Variants in SLCO1B3 observed in about 807,000 individuals in gnomAD.
SLCO1B3 encodes liver-specific organic anion transporter 2.
SLCO1B3 carries 72 observed loss-of-function variants against 71.8 expected under a neutral mutation model. That is an observed-to-expected ratio of 1.00 (90% CI 0.83 to 1.22). The LOEUF (loss-of-function observed/expected upper bound fraction) is 1.22, where lower values mean the gene tolerates loss of function less well. Ranked by LOEUF, SLCO1B3 falls within the 50% of genes most tolerant of loss-of-function variation. SLCO1B3 has a pLI of 0.00. For missense variants in SLCO1B3, 911 were observed against 819.7 expected, an observed-to-expected ratio of 1.11 and a Z score of -1.36; for synonymous variants, 298 against 278.4, an observed-to-expected ratio of 1.07 and a Z score of -0.70.
At chr12:20,871,595 CAAT>C (rs2121281886) in intron 8 of SLCO1B3, among the ~76,000 whole-genome samples, 1 of 152,230 alleles carries the variant, frequency 6.6e-6, no homozygotes, top group South Asian at 2.1e-4. Context: ...GCCACAACCT[CAAT>C]AATACTGTGG....
intron 13 of SLCO1B3, among the ~76,000 whole-genome samples, chr12:20,888,468 T>C (rs975209060): frequency 6.6e-6 from 1 of 151,960 alleles, no homozygotes; most frequent in African/African-American, 2.4e-5. Context: ...TGGGATTAAG[T>C]TGTTGATTTG....
chr12:20,818,829 C>T (rs930613921), intron 3 of SLCO1B3, among the ~76,000 whole-genome samples: 3 of 152,104 alleles, frequency 2.0e-5, no homozygotes, highest in African/African-American at 7.2e-5. Context: ...GGATGAACAT[C>T]AGGTGGATCA....
intron 11 of SLCO1B3, 88 bp downstream of exon 11, chr12:20,879,719 T>G: frequency 1.1e-6 from 1 of 871,522 alleles, no homozygotes; most frequent in Non-Finnish European, 1.7e-6. Flanking sequence ...AGAAAACAAT[T>G]GTAATTAAAC....
At chr12:20,855,810 AAT>A (rs1199568380) in intron 4 of SLCO1B3, among the ~76,000 whole-genome samples, 2 of 151,386 alleles carry the variant, frequency 1.3e-5, no homozygotes, top group African/African-American at 4.8e-5. Flanking sequence ...TTCAAAGAAA[AAT>A]TAAAATTTTT....
At chr12:20,891,453 T>C (rs1865902295) in intron 13 of SLCO1B3, among the ~76,000 whole-genome samples, 1 of 152,112 alleles carries the variant, frequency 6.6e-6, no homozygotes, top group Non-Finnish European at 1.5e-5. Flanking sequence ...ACGTTTAAGA[T>C]TTTTAAATTT....
intron 12 of SLCO1B3, among the ~76,000 whole-genome samples, chr12:20,882,991 G>T (rs1865721022): frequency 2.0e-5 from 3 of 152,004 alleles, no homozygotes; most frequent in Admixed American, 6.6e-5. Flanking sequence ...TAGAATTCTG[G>T]CACCACTGCC....
At chr12:20,824,555 G>T (rs1444944181) in intron 3 of SLCO1B3, among the ~76,000 whole-genome samples, 1 of 152,058 alleles carries the variant, frequency 6.6e-6, no homozygotes, top group African/African-American at 2.4e-5. Flanking sequence ...AAGTAAATTT[G>T]GTTTCTTCTG....
At chr12:20,850,926 G>T (rs1305414452) in intron 3 of SLCO1B3, among the ~76,000 whole-genome samples, 1 of 152,126 alleles carries the variant, frequency 6.6e-6, no homozygotes, top group African/African-American at 2.4e-5. Context: ...CCACCATCAA[G>T]GTATAAGTGT....
chr12:20,880,292 A>G (rs1294495109), intron 11 of SLCO1B3, among the ~76,000 whole-genome samples: 2 of 151,610 alleles, frequency 1.3e-5, no homozygotes, highest in East Asian at 3.9e-4. Context: ...TTTTTCAACT[A>G]ATTCTATTAT....
chr12:20,840,317 C>A lies in SLCO1B3; in HGVS notation c.85-14711C>A, dbSNP rs139582241. Among the ~76,000 whole-genome samples the A allele has an allele frequency of 1.3e-3, 200 of 152,222 alleles. 1 individual carries two copies. The East Asian group carries it at 0.035, about 26-fold the overall frequency. On this transcript the variant is annotated intron_variant, in intron 3 of 15. Coordinates refer to ENST00000381545, the MANE Select transcript of SLCO1B3 (RefSeq NM_019844.4). Reference sequence around the variant, plus strand: ...CACAGTCCGGAGAAGAGGCATCCTACAGTTCCAAGCTTAGGTATCAGTCTT... The same window carrying A: ...CACAGTCCGGAGAAGAGGCATCCTAAAGTTCCAAGCTTAGGTATCAGTCTT...
At chr12:20,886,582 G>A (rs1865796947) in intron 13 of SLCO1B3, among the ~76,000 whole-genome samples, 1 of 152,022 alleles carries the variant, frequency 6.6e-6, no homozygotes, top group East Asian at 1.9e-4. Flanking sequence ...ACTATGTCAA[G>A]GCCTGCTGAG....
At chr12:20,824,836 A>T (rs1315072230) in intron 3 of SLCO1B3, among the ~76,000 whole-genome samples, 1 of 152,228 alleles carries the variant, frequency 6.6e-6, no homozygotes, top group Non-Finnish European at 1.5e-5. Flanking sequence ...TACTAATTTT[A>T]CAATTTAATT....
At chr12:20,860,032 T>G (rs186757728) in intron 5 of SLCO1B3, among the ~76,000 whole-genome samples, 1,820 of 147,666 alleles carry the variant, frequency 0.012, 16 homozygotes, top group Non-Finnish European at 0.02. Flanking sequence ...CTCGGCTCAC[T>G]GCAAGCCCCG....
At chr12:20,840,903 C>G (rs1606918) in intron 3 of SLCO1B3, among the ~76,000 whole-genome samples, 109,674 of 151,518 alleles carry the variant, frequency 0.72, 42,258 homozygotes, top group South Asian at 0.9. Flanking sequence ...CAAAATGATT[C>G]CTTTCTCTTT....
In SLCO1B3 at chr12:20,862,868, G is replaced by A. The variant is rs1319289825; in HGVS notation, c.727+14G>A. ...ATGTAGATCTGAGTAAGTACAATTA[G>A]AACAAGGTACCATGATAGTGTCTTT... On this transcript the variant is annotated intron_variant, in intron 8 of 15. Transcript: ENST00000381545. 7.1e-7 allele frequency: 1 copy of A among 1,411,996 alleles called. No homozygotes were observed. The highest frequency in any genetic ancestry group is 2.3e-5 in the East Asian group (1 of 43,850). 87.5% of individuals were successfully genotyped at this position (1,411,996 alleles called of 1,614,324 possible). A position where few individuals can be genotyped will look rare whatever the true frequency, so the allele number is the denominator to read the frequency against.
chr12:20,859,877 A>G (rs370170261), intron 5 of SLCO1B3, among the ~76,000 whole-genome samples: 1 of 151,612 alleles, frequency 6.6e-6, no homozygotes, highest in East Asian at 1.9e-4. Context: ...CCCATCTTCA[A>G]TATTCATTTA....
At chr12:20,861,461 T>C (rs1423105950) in intron 6 of SLCO1B3, among the ~76,000 whole-genome samples, 4 of 151,782 alleles carry the variant, frequency 2.6e-5, no homozygotes, top group Non-Finnish European at 5.9e-5. Context: ...TTTGTGTACA[T>C]ATGAGTTGTC....
chr12:20,883,110 C>A (rs1865723936), intron 12 of SLCO1B3, among the ~76,000 whole-genome samples: 1 of 151,928 alleles, frequency 6.6e-6, no homozygotes, highest in Non-Finnish European at 1.5e-5. Flanking sequence ...CAGAGTAAGT[C>A]CCTAATACTT....
chr12:20,899,875 T>C (rs1189354889), intron 14 of SLCO1B3, among the ~76,000 whole-genome samples: 5 of 152,208 alleles, frequency 3.3e-5, no homozygotes, highest in Non-Finnish European at 7.3e-5. Flanking sequence ...GGACCCTAAA[T>C]GCTTCTGTGG....
Sources: allele counts gnomAD v4.1 joint callset (sites outside exome capture counted in the v4.1 genomes callset), GRCh38; gene constraint gnomAD v4.1.1; transcripts MANE v1.5; gene names NCBI Gene and HGNC (gene_info 2026-07-23, HGNC 2026-07-21).